Variants in GPX5 observed in about 807,000 individuals in gnomAD.
The protein encoded by GPX5 is glutathione peroxidase 5.
In GPX5, 20 loss-of-function variants were observed where a neutral mutation model predicts 23.8. That is an observed-to-expected ratio of 0.84 (90% CI 0.59 to 1.22). The LOEUF (loss-of-function observed/expected upper bound fraction) is 1.22, where lower values mean the gene tolerates loss of function less well. Among genes scored for constraint, GPX5 ranks in the 50% most tolerant of loss-of-function variants. The pLI is 0.00. For synonymous variants in GPX5, 92 were observed against 99.5 expected (o/e 0.92, Z 0.45); for missense variants, 230 against 266.6 (o/e 0.86, Z 0.96).
chr6:28,531,895 A>T lies in GPX5; in HGVS notation c.359A>T (p.Lys120Met). ...GDNKEILPGL[K>M]YVRPGGGFVP... ...AACAAAGAGATTCTTCCTGGGCTCAAGTACGTGTCTTCTTGAAATCCAATA... is the reference window on the plus strand; with the variant it reads ...AACAAAGAGATTCTTCCTGGGCTCATGTACGTGTCTTCTTGAAATCCAATA... Residue 120 changes from lysine to methionine, a missense_variant and splice_region_variant, in exon 3 of 5, where the codon AAG (lysine) becomes ATG (methionine). Transcript: ENST00000412168. 6.2e-7 allele frequency: 1 copy of T among 1,601,938 alleles called. No homozygotes were observed. The highest frequency in any genetic ancestry group is 8.6e-7 in the Non-Finnish European group (1 of 1,169,074).
In GPX5 at chr6:28,529,458, G is replaced by A. The variant is rs1490442675; in HGVS notation, c.95G>A (p.Cys32Tyr). The change falls in exon 2 of 5, where the codon TGC (cysteine) becomes TAC (tyrosine). Residue 32 changes from cysteine to tyrosine, a missense_variant. By Grantham distance (194) the Cys-to-Tyr change is radical (BLOSUM62 -2). Coordinates refer to ENST00000412168, the MANE Select transcript of GPX5 (RefSeq NM_001509.3). ...SPKQEKMKMD[C>Y]HKDEKGTIYD... ...TTAAAAAAAATCTTCCAGATGGATTGCCACAAAGACGAGAAAGGCACCATC... is the reference window on the plus strand; with the variant it reads ...TTAAAAAAAATCTTCCAGATGGATTACCACAAAGACGAGAAAGGCACCATC... 1 of 1,605,344 alleles carries A rather than the reference G, an allele frequency of 6.2e-7. No homozygotes were observed. The highest frequency in any genetic ancestry group is 1.1e-5 in the South Asian group (1 of 89,268).
intron 2 of GPX5, among the ~76,000 whole-genome samples, chr6:28,531,370 CAAAAAAAAA>C (rs1193939654): frequency 1.0e-3 from 52 of 50,112 alleles, no homozygotes; most frequent in South Asian, 2.0e-3. Context: ...GAATCTGTCT[CAAAAAAAAA>C]AAAAAAAAAA....
chr6:28,534,243 G>A lies in GPX5; in HGVS notation c.*76G>A. The A allele has an allele frequency of 9.4e-7, 1 of 1,061,950 alleles. No individual in the cohort carries two copies. Among genetic ancestry groups the A allele is most frequent in the Non-Finnish European group, 1.3e-6 (1 of 746,372 alleles). The allele number at this position is 1,061,950 out of a possible 1,614,324, so 65.8% of individuals were successfully genotyped here. A position where few individuals can be genotyped will look rare whatever the true frequency, so the allele number is the denominator to read the frequency against. On this transcript the variant is annotated 3_prime_UTR_variant, in exon 5 of 5. Coordinates refer to ENST00000412168, the MANE Select transcript of GPX5 (RefSeq NM_001509.3). ...CTCTCCCCACCCCTCCAAAAAAAAG[G>A]AATACCCATCTTCTCACCACACTCT... is the stretch of plus-strand genomic sequence containing the variant.
intron 2 of GPX5, among the ~76,000 whole-genome samples, chr6:28,531,386 AAAAAAAAGAAAAG>A (rs1375597635): frequency 4.1e-5 from 5 of 122,454 alleles, no homozygotes; most frequent in South Asian, 5.3e-4. Flanking sequence ...AAAAAAAAAA[AAAAAAAAGAAAAG>A]AAAAGAAAAG....
Position 28,534,454 on chromosome 6 carries a change from C to G in GPX5, c.*287C>G. The G allele has an allele frequency of 3.1e-6, 1 of 326,700 alleles. No individual in the cohort carries two copies. Among genetic ancestry groups the G allele is most frequent in the Non-Finnish European group, 5.6e-6 (1 of 179,780 alleles). 20.2% of individuals were successfully genotyped at this position (326,700 alleles called of 1,614,324 possible). A position where few individuals can be genotyped will look rare whatever the true frequency, so the allele number is the denominator to read the frequency against. ...CTGTTACAGGTTGAATCATTCATAT[C>G]CACCAGAGGGAAATCATCCTTCCAC... On this transcript the variant is annotated 3_prime_UTR_variant, in exon 5 of 5. Coordinates refer to ENST00000412168, the MANE Select transcript of GPX5 (RefSeq NM_001509.3).
In GPX5 at chr6:28,534,483, A is replaced by T. The variant is rs771151064; in HGVS notation, c.*316A>T. 7.5e-6 allele frequency: 2 copies of T among 268,194 alleles called. No homozygotes were observed. The highest frequency in any genetic ancestry group is 1.4e-5 in the Non-Finnish European group (2 of 142,844). 16.6% of individuals were successfully genotyped at this position (268,194 alleles called of 1,614,324 possible). A position where few individuals can be genotyped will look rare whatever the true frequency, so the allele number is the denominator to read the frequency against. On this transcript the variant is annotated 3_prime_UTR_variant, in exon 5 of 5. Transcript: ENST00000412168. ...CAGAGGGAAATCATCCTTCCACGAC[A>T]ATGGTTCAGTCGGCCATCACATCCT...
At chr6:28,528,813 GTATATATATATATATATATATATATATA>G (rs70983945) in intron 1 of GPX5, among the ~76,000 whole-genome samples, 2,855 of 95,586 alleles carry the variant, frequency 0.03, 225 homozygotes, top group Middle Eastern at 0.039. Flanking sequence ...ATATATGTGT[GTATATATATATATATATATATATATATA>G]TATATATATA....
intron 4 of GPX5, 94 bp from the exon 5 acceptor site, chr6:28,533,867 T>C (rs915452431): frequency 1.4e-6 from 1 of 704,034 alleles, no homozygotes; most frequent in Admixed American, 2.7e-5. Context: ...AATATCTAGG[T>C]ATAGGAGGGG....
At chr6:28,527,977 T>G (rs1388503866) in intron 1 of GPX5, 1 of 152,216 alleles carries the variant, frequency 6.6e-6, no homozygotes, top group Non-Finnish European at 1.5e-5. Context: ...TAACAAATGT[T>G]GCATGGAAGT....
chr6:28,531,392 AAGAAAAG>A (rs1562010435), intron 2 of GPX5, among the ~76,000 whole-genome samples: 37 of 59,610 alleles, frequency 6.2e-4, no homozygotes, highest in East Asian at 8.2e-4. Context: ...AAAAAAAAAA[AAGAAAAG>A]AAAAGAAAAG....
intron 1 of GPX5, 179 bp from the exon 2 acceptor site, chr6:28,529,272 G>T: frequency 2.2e-6 from 1 of 459,452 alleles, no homozygotes; most frequent in Non-Finnish European, 3.8e-6. Context: ...TATGAGACTT[G>T]ATTTTTTATT....
chr6:28,532,224 C>T, intron 3 of GPX5, 97 bp from the exon 4 acceptor site: 2 of 765,466 alleles, frequency 2.6e-6, no homozygotes, highest in Non-Finnish European at 4.3e-6. Flanking sequence ...ATACTTCCCT[C>T]TTTCTCCCCT....
chr6:28,527,194 T>A (rs949003547), intron 1 of GPX5: 1 of 152,154 alleles, frequency 6.6e-6, no homozygotes, highest in Non-Finnish European at 1.5e-5. Context: ...AGAGTCTCTC[T>A]AAGCTTTTGC....
intron 1 of GPX5, chr6:28,528,224 G>A (rs1395861032): frequency 2.6e-5 from 4 of 152,306 alleles, no homozygotes; most frequent in South Asian, 2.1e-4. Context: ...ATGTTAGTAA[G>A]AGAGTGACAG....
At chr6:28,527,459 C>A (rs902803364) in intron 1 of GPX5, among the ~76,000 whole-genome samples, 4 of 152,080 alleles carry the variant, frequency 2.6e-5, no homozygotes, top group East Asian at 1.9e-4. Flanking sequence ...TAGCTACAAC[C>A]TAGTATGCTG....
At chr6:28,531,391 AAAG>A (rs1440534481) in intron 2 of GPX5, among the ~76,000 whole-genome samples, 25 of 62,724 alleles carry the variant, frequency 4.0e-4, no homozygotes, top group African/African-American at 1.5e-3. Context: ...AAAAAAAAAA[AAAG>A]AAAAGAAAAG....
In GPX5 at chr6:28,532,325, G is replaced by T. The variant is rs1763341591; in HGVS notation, c.364G>T (p.Val122Phe). Residue 122 changes from valine (V) to phenylalanine (F), a missense_variant, in exon 4 of 5, where the codon GTC (valine) becomes TTC (phenylalanine). Val to Phe is a conservative substitution (Grantham distance 50, BLOSUM62 -1). Coordinates refer to ENST00000412168, the MANE Select transcript of GPX5 (RefSeq NM_001509.3). ...NKEILPGLKYVRPGGGFVPSF... is the reference protein window; with the variant it reads ...NKEILPGLKYFRPGGGFVPSF... Reference sequence around the variant, plus strand: ...GAACATTATGGCTTGTTGCAGGTATGTCCGTCCAGGGGGAGGATTTGTACC... The same window carrying T: ...GAACATTATGGCTTGTTGCAGGTATTTCCGTCCAGGGGGAGGATTTGTACC... 6.4e-7 allele frequency: 1 copy of T among 1,563,644 alleles called. No individual in the cohort carries two copies. The highest frequency in any genetic ancestry group is 2.1e-5 in the Admixed American group (1 of 48,374).
chr6:28,526,200 C>A, intron 1 of GPX5, 100 bp downstream of exon 1: 1 of 899,158 alleles, frequency 1.1e-6, no homozygotes, highest in Non-Finnish European at 1.8e-6. Flanking sequence ...CTGCTTTCTT[C>A]TTCTTTGCCA....
At chr6:28,528,247 C>G (rs1006365618) in intron 1 of GPX5, 1 of 152,138 alleles carries the variant, frequency 6.6e-6, no homozygotes, top group African/African-American at 2.4e-5. Context: ...GAAATTTATT[C>G]AAGGTGGGGA....
Sources: allele counts gnomAD v4.1 joint callset (sites outside exome capture counted in the v4.1 genomes callset), GRCh38; gene constraint gnomAD v4.1.1; transcripts MANE v1.5; gene names NCBI Gene and HGNC (gene_info 2026-07-23, HGNC 2026-07-21).